UTP20: variants seen among roughly 807,000 people sequenced by gnomAD.
UTP20 encodes the protein UTP20 small subunit processome component, also known as small subunit processome component 20 homolog.
In UTP20, 164 loss-of-function variants were observed where a neutral mutation model predicts 329.5. The ratio of observed to expected loss-of-function variants is 0.50; its 90% confidence interval spans 0.44 to 0.57. The LOEUF (loss-of-function observed/expected upper bound fraction) is 0.57. Ranked by LOEUF, UTP20 falls within the 20% of genes least tolerant of loss-of-function variation. The pLI, the probability that UTP20 is intolerant of heterozygous loss-of-function variation, is 0.00. For missense variants in UTP20, 3,055 were observed against 3,284.2 expected (o/e 0.93, Z 1.71); for synonymous variants, 1,151 against 1,159.3 (o/e 0.99, Z 0.14).
chr12:101,299,842 G>A lies in UTP20; in HGVS notation c.1586+5G>A. 1 of 1,602,270 alleles carries A rather than the reference G, an allele frequency of 6.2e-7. No individual in the cohort carries two copies. Among genetic ancestry groups the A allele is most frequent in the Non-Finnish European group, 8.5e-7 (1 of 1,176,146 alleles). ...CGTGGTGTTACCTCATATTAGGTAA[G>A]AAAATAAGCTATGTTTAATTTTGAA... On this transcript the variant is annotated splice_donor_5th_base_variant and intron_variant, in intron 13 of 61. Coordinates refer to ENST00000261637, the MANE Select transcript of UTP20 (RefSeq NM_014503.3).
At chr12:101,285,978 A>C (rs1871949063) in intron 4 of UTP20, 97 bp downstream of exon 4, 1 of 1,482,004 alleles carries the variant, frequency 6.7e-7, no homozygotes, top group African/African-American at 1.4e-5. Context: ...TCAGGTGCTC[A>C]TAATTTAGAA....
chr12:101,373,307 TA>T, intron 52 of UTP20, 93 bp from the exon 53 acceptor site: 2 of 1,248,590 alleles, frequency 1.6e-6, no homozygotes, highest in Non-Finnish European at 2.3e-6. Context: ...TTTTAAGAAG[TA>T]AACTGACACC....
intron 27 of UTP20, among the ~76,000 whole-genome samples, chr12:101,332,684 A>G (rs1000180664): frequency 1.3e-5 from 2 of 152,200 alleles, no homozygotes; most frequent in Non-Finnish European, 2.9e-5. Flanking sequence ...TGAACTATGT[A>G]TGTTGAGATC....
Position 101,366,647 on chromosome 12 carries a change from C to T in UTP20, c.6215C>T (p.Ala2072Val). 6.2e-7 allele frequency: 1 copy of T among 1,614,172 alleles called. No individual in the cohort carries two copies. The highest frequency in any genetic ancestry group is 8.5e-7 in the Non-Finnish European group (1 of 1,180,012). ...PPTPVRGGQK[A>V]VVSRKTNMHI... ...ACTCCAGTTCGAGGTGGACAGAAAG[C>T]TGTTGTGAGCAGGAAAACCAACATG... Residue 2072 changes from alanine to valine, a missense_variant, in exon 47 of 62, where the codon GCT becomes GTT. Around this residue, in one of 3 missense-constraint regions of UTP20, gnomAD observed 2,445 missense variants for 2,575.5 expected, o/e 0.95. Coordinates refer to ENST00000261637, the MANE Select transcript of UTP20 (RefSeq NM_014503.3).
intron 25 of UTP20, among the ~76,000 whole-genome samples, chr12:101,325,570 A>T (rs1868526911): frequency 6.6e-6 from 1 of 152,232 alleles, no homozygotes; most frequent in South Asian, 2.1e-4. Context: ...ACACTTGATG[A>T]GTCTTGACCC....
intron 14 of UTP20, among the ~76,000 whole-genome samples, chr12:101,300,979 G>A (rs1872506691): frequency 6.6e-6 from 1 of 152,128 alleles, no homozygotes; most frequent in South Asian, 2.1e-4. Context: ...GGACCAGACA[G>A]TAAATGTTTT....
At chr12:101,371,211 G>C in intron 51 of UTP20, 43 bp downstream of exon 51, 1 of 1,429,510 alleles carries the variant, frequency 7.0e-7, no homozygotes, top group Non-Finnish European at 9.5e-7. Context: ...GCTGGGCCCT[G>C]CCGCATCTTT....
At chr12:101,291,475 G>A (rs1872149891) in intron 8 of UTP20, 1 of 208,266 alleles carries the variant, frequency 4.8e-6, no homozygotes. Context: ...GGGAGGCAGA[G>A]GTTGCGGTGA....
At chr12:101,351,691 C>G (rs1410631037) in intron 38 of UTP20, among the ~76,000 whole-genome samples, 1 of 151,974 alleles carries the variant, frequency 6.6e-6, no homozygotes, top group Non-Finnish European at 1.5e-5. Flanking sequence ...TGATCTCCCT[C>G]CCCTCGACCC....
At chr12:101,385,906 T>G (rs1178869091) in intron 61 of UTP20, 62 bp from the exon 62 acceptor site, 3 of 1,464,404 alleles carry the variant, frequency 2.0e-6, no homozygotes, top group Non-Finnish European at 9.2e-7. Context: ...TTTCTGTATT[T>G]GATTCTTATT....
chr12:101,381,603 A>C (rs1479219420), intron 58 of UTP20, among the ~76,000 whole-genome samples: 1 of 152,194 alleles, frequency 6.6e-6, no homozygotes, highest in African/African-American at 2.4e-5. Flanking sequence ...TTTGTTTTGA[A>C]CCTATCTTAA....
At chr12:101,287,557 C>T (rs1872000195) in intron 5 of UTP20, among the ~76,000 whole-genome samples, 1 of 152,242 alleles carries the variant, frequency 6.6e-6, no homozygotes, top group African/African-American at 2.4e-5. Flanking sequence ...ATCAACTCCT[C>T]TTATCTGTAC....
Position 101,385,708 on chromosome 12 carries a change from A to G in UTP20, c.8182A>G (p.Lys2728Glu). Residue 2728 changes from lysine to glutamate, a missense_variant, in exon 61 of 62, where the codon AAA (lysine) becomes GAA (glutamate). Lys to Glu is a moderately conservative substitution (Grantham distance 56). Transcript: ENST00000261637. ...GGCTAATGAGAAAAGGGCACTCCGG[A>G]AAAAGAGGAAGGCCCTGGAGGTAAG... ...KQANEKRALR[K>E]KRKALEFVTN... is the part of the protein sequence containing the mutation. 2 of 1,610,058 alleles carry G rather than the reference A, an allele frequency of 1.2e-6. No homozygotes were observed. The highest frequency in any genetic ancestry group is 1.7e-6 in the Non-Finnish European group (2 of 1,179,284).
chr12:101,338,788 C>G lies in UTP20; in HGVS notation c.3869-25C>G, dbSNP rs765135161. On this transcript the variant is annotated intron_variant, in intron 30 of 61. Coordinates refer to ENST00000261637, the MANE Select transcript of UTP20 (RefSeq NM_014503.3). Reference sequence around the variant, plus strand: ...ATGCCTTAAGAGAGTTTATTAAAATCAAATCAAATCACTATCTATTTCAGA... The same window carrying G: ...ATGCCTTAAGAGAGTTTATTAAAATGAAATCAAATCACTATCTATTTCAGA... The G allele has an allele frequency of 3.2e-6, 5 of 1,558,698 alleles. No homozygotes were observed. In the South Asian group the frequency reaches 6.2e-5, roughly 19 times the overall value.
chr12:101,369,417 G>A (rs1870206381), intron 48 of UTP20, among the ~76,000 whole-genome samples: 1 of 152,018 alleles, frequency 6.6e-6, no homozygotes. Flanking sequence ...AGGAGTTCAA[G>A]ACCAGCCCAA....
intron 43 of UTP20, among the ~76,000 whole-genome samples, chr12:101,359,158 G>T (rs918422871): frequency 2.1e-4 from 32 of 152,038 alleles, no homozygotes; most frequent in Non-Finnish European, 4.6e-4. Flanking sequence ...CCACTTCTCG[G>T]GTTCAAGCAG....
At chr12:101,288,898 G>A in intron 5 of UTP20, 62 bp from the exon 6 acceptor site, 2 of 1,407,790 alleles carry the variant, frequency 1.4e-6, no homozygotes, top group Non-Finnish European at 2.0e-6. Flanking sequence ...TTGTTGACAT[G>A]TAGTATGTAT....
intron 57 of UTP20, 61 bp downstream of exon 57, chr12:101,379,619 T>C (rs929982961): frequency 9.8e-6 from 15 of 1,528,362 alleles, no homozygotes; most frequent in Non-Finnish European, 1.2e-5. Context: ...TTCTGGTTCA[T>C]GTAACTATCT....
chr12:101,353,000 ATAT>A (rs1488141107), intron 39 of UTP20, 44 bp from the exon 40 acceptor site: 1 of 1,180,080 alleles, frequency 8.5e-7, no homozygotes, highest in Non-Finnish European at 1.2e-6. Flanking sequence ...TAATCCAGTG[ATAT>A]TAATAATCAA....
Sources: allele counts gnomAD v4.1 joint callset (sites outside exome capture counted in the v4.1 genomes callset), GRCh38; gene constraint gnomAD v4.1.1; regional missense constraint gnomAD v4.1.1; transcripts MANE v1.5; gene names NCBI Gene and HGNC (gene_info 2026-07-23, HGNC 2026-07-21).